ADGB: variants seen among roughly 807,000 people sequenced by gnomAD.
ADGB encodes androglobin.
In ADGB, 172 loss-of-function variants were observed where a neutral mutation model predicts 210.5. The observed-to-expected ratio is 0.82, with a 90% CI of 0.72 to 0.93. The LOEUF (loss-of-function observed/expected upper bound fraction) is 0.93. ADGB is among the 40% of genes least tolerant of loss of function. ADGB has a pLI of 0.00. For synonymous variants in ADGB, 658 were observed against 662.7 expected (o/e 0.99, Z 0.11); for missense variants, 2,025 against 1,964.8 (o/e 1.03, Z -0.58).
intron 13 of ADGB, among the ~76,000 whole-genome samples, chr6:146,712,680 C>G (rs1424609565): frequency 2.0e-5 from 3 of 152,046 alleles, no homozygotes; most frequent in Non-Finnish European, 4.4e-5. Flanking sequence ...CCAATTTATT[C>G]TCTAATGTAC....
At chr6:146,651,419 A>C (rs1259112983) in intron 3 of ADGB, among the ~76,000 whole-genome samples, 1 of 152,220 alleles carries the variant, frequency 6.6e-6, no homozygotes, top group African/African-American at 2.4e-5. Context: ...GTGAAAGGAA[A>C]GTAACTTTAT....
chr6:146,814,597 A>G (rs983014908), intron 35 of ADGB, among the ~76,000 whole-genome samples: 14 of 152,224 alleles, frequency 9.2e-5, no homozygotes, highest in Non-Finnish European at 1.8e-4. Flanking sequence ...AGTAACCAAC[A>G]GATTTGGCCA....
chr6:146,790,781 G>A (rs1182718435), intron 33 of ADGB, among the ~76,000 whole-genome samples: 1 of 152,162 alleles, frequency 6.6e-6, no homozygotes, highest in Non-Finnish European at 1.5e-5. Flanking sequence ...TGTTTCAAAT[G>A]GCTTGTAATA....
chr6:146,628,024 T>C (rs1463626546), intron 1 of ADGB, among the ~76,000 whole-genome samples: 4 of 152,162 alleles, frequency 2.6e-5, no homozygotes, highest in African/African-American at 9.7e-5. Flanking sequence ...GTGACAAAAA[T>C]CCAGTCCTTG....
At chr6:146,669,037 A>G (rs1775973044) in intron 7 of ADGB, among the ~76,000 whole-genome samples, 1 of 152,070 alleles carries the variant, frequency 6.6e-6, no homozygotes, top group South Asian at 2.1e-4. Flanking sequence ...AGCATATTTT[A>G]TGTGGTAGAT....
chr6:146,748,420 A>G (rs1242699727), intron 26 of ADGB, among the ~76,000 whole-genome samples: 2 of 152,192 alleles, frequency 1.3e-5, no homozygotes, highest in Admixed American at 6.5e-5. Flanking sequence ...TCAAAGTGTC[A>G]GTAGGGTTGG....
chr6:146,748,456 C>G (rs1777273178), intron 26 of ADGB, among the ~76,000 whole-genome samples: 2 of 152,116 alleles, frequency 1.3e-5, no homozygotes, highest in Non-Finnish European at 2.9e-5. Flanking sequence ...TGGGAGAGAA[C>G]CTGTTTCGTG....
At chr6:146,644,189 CA>C (rs1327095142) in intron 2 of ADGB, among the ~76,000 whole-genome samples, 3 of 151,632 alleles carry the variant, frequency 2.0e-5, no homozygotes, top group Non-Finnish European at 2.9e-5. Flanking sequence ...CAAGATGTTA[CA>C]ATTGGAGAAA....
intron 13 of ADGB, among the ~76,000 whole-genome samples, chr6:146,711,890 AC>A (rs1210809785): frequency 2.0e-5 from 3 of 151,770 alleles, no homozygotes; most frequent in Non-Finnish European, 4.4e-5. Context: ...AAAAACAACA[AC>A]AAAAACCCCA....
At chr6:146,642,385 T>A (rs1252414613) in intron 2 of ADGB, among the ~76,000 whole-genome samples, 1 of 151,988 alleles carries the variant, frequency 6.6e-6, no homozygotes, top group African/African-American at 2.4e-5. Context: ...TATTACTGGC[T>A]ATATACCCAG....
chr6:146,780,332 G>A (rs1474421378), intron 29 of ADGB, among the ~76,000 whole-genome samples: 1 of 151,996 alleles, frequency 6.6e-6, no homozygotes, highest in Non-Finnish European at 1.5e-5. Flanking sequence ...TAATAAAAAG[G>A]CAGACATAAA....
chr6:146,732,517 T>C (rs149238032), intron 20 of ADGB, among the ~76,000 whole-genome samples: 174 of 151,980 alleles, frequency 1.1e-3, no homozygotes, highest in African/African-American at 3.6e-3. Flanking sequence ...TAGCTGGCCC[T>C]GATTTAATAT....
At chr6:146,653,644 G>A (rs1775735874) in intron 3 of ADGB, among the ~76,000 whole-genome samples, 1 of 151,968 alleles carries the variant, frequency 6.6e-6, no homozygotes, top group Non-Finnish European at 1.5e-5. Context: ...TGGGTACTAG[G>A]CTTAATACCT....
At chr6:146,814,768 C>T (rs1415509400) in intron 35 of ADGB, among the ~76,000 whole-genome samples, 2 of 152,026 alleles carry the variant, frequency 1.3e-5, no homozygotes, top group Admixed American at 1.3e-4. Context: ...AAACAGAATA[C>T]CTTTGGGGAA....
intron 3 of ADGB, among the ~76,000 whole-genome samples, chr6:146,649,458 G>A (rs76364844): frequency 0.09 from 13,599 of 151,404 alleles, 645 homozygotes; most frequent in East Asian, 0.13. Context: ...GTATACTGAT[G>A]ATTCTGAAGA....
intron 9 of ADGB, among the ~76,000 whole-genome samples, chr6:146,682,241 T>C (rs1464703363): frequency 2.0e-5 from 3 of 152,054 alleles, no homozygotes; most frequent in Admixed American, 6.6e-5. Context: ...ATGATAAAAG[T>C]GGTATTTAAG....
At chr6:146,735,020 T>C (rs1777058701) in intron 22 of ADGB, among the ~76,000 whole-genome samples, 1 of 141,844 alleles carries the variant, frequency 7.1e-6, no homozygotes, top group Non-Finnish European at 1.5e-5. Flanking sequence ...TCTTTACATA[T>C]ATTGAAAAAC....
intron 33 of ADGB, among the ~76,000 whole-genome samples, chr6:146,796,402 G>A (rs529495182): frequency 4.6e-5 from 7 of 152,114 alleles, no homozygotes; most frequent in African/African-American, 1.7e-4. Context: ...CGACCAATCT[G>A]CATAGCCAAA....
rs141989105 is a variant in ADGB at position 146,647,885 on chromosome 6, T to C, written c.330+3020T>C. 8.0e-3 allele frequency among the ~76,000 whole-genome samples: 1,222 copies of C among 152,136 alleles called. 7 individuals are homozygous for C. The highest frequency in any genetic ancestry group is 0.015 in the Admixed American group (223 of 15,272). ...AGTAATTTTATTGAAAGAAAATAAA[T>C]ACCTTAAGAAAACCTTTCTTTAACA... is the stretch of plus-strand genomic sequence containing the variant. On this transcript the variant is annotated intron_variant, in intron 3 of 35. Transcript: ENST00000397944.
Sources: gnomAD v4.1 joint callset for allele counts (sites outside exome capture counted in the v4.1 genomes callset) on GRCh38, gnomAD v4.1.1 for gene constraint, MANE v1.5 for transcripts, NCBI Gene and HGNC (gene_info 2026-07-23, HGNC 2026-07-21) for gene names.